TTC23: variants seen among roughly 807,000 people sequenced by gnomAD.
TTC23 encodes tetratricopeptide repeat domain 23, also known as tetratricopeptide repeat protein 23.
A neutral mutation model predicts 55.1 loss-of-function variants in TTC23; 58 were observed. That is an observed-to-expected ratio of 1.05 (90% CI 0.85 to 1.31). The LOEUF (loss-of-function observed/expected upper bound fraction) is 1.31, where lower values mean the gene tolerates loss of function less well. TTC23 is among the 50% of genes most tolerant of loss of function. The pLI, the probability that TTC23 is intolerant of heterozygous loss-of-function variation, is 0.00. For missense variants in TTC23, 516 were observed against 534.4 expected (o/e 0.97, Z 0.34); for synonymous variants, 203 against 199.9 (o/e 1.02, Z -0.13).
chr15:99,248,728 A>G (rs2080475564), intron 1 of TTC23, among the ~76,000 whole-genome samples: 1 of 152,206 alleles, frequency 6.6e-6, no homozygotes, highest in Non-Finnish European at 1.5e-5. Flanking sequence ...ATATTCCCCT[A>G]TATGGATTAA....
chr15:99,174,383 TA>T (rs577156373), intron 10 of TTC23, among the ~76,000 whole-genome samples: 15 of 152,066 alleles, frequency 9.9e-5, no homozygotes, highest in Middle Eastern at 3.4e-3. Flanking sequence ...ATTCAGTATG[TA>T]ATTATTTTTA....
At chr15:99,163,851 T>A (rs1194867812) in intron 10 of TTC23, among the ~76,000 whole-genome samples, 3 of 152,338 alleles carry the variant, frequency 2.0e-5, no homozygotes, top group Admixed American at 1.3e-4. Context: ...AGAGCCTTGA[T>A]CTGGGACTTT....
chr15:99,208,267 CAT>C (rs1009168110), intron 8 of TTC23, among the ~76,000 whole-genome samples: 58 of 151,870 alleles, frequency 3.8e-4, no homozygotes, highest in African/African-American at 1.3e-3. Flanking sequence ...TATATACACA[CAT>C]ATATATATGC....
chr15:99,200,698 C>T (rs947343353), intron 8 of TTC23, among the ~76,000 whole-genome samples: 2 of 152,116 alleles, frequency 1.3e-5, no homozygotes, highest in East Asian at 3.8e-4. Flanking sequence ...TACACACATA[C>T]AATTTTGCGA....
rs576162130 is a variant in TTC23, at chr15:99,235,264, C to T, written c.-113-184G>A. Among the ~76,000 whole-genome samples the T allele has an allele frequency of 2.0e-5, 3 of 151,582 alleles. No homozygotes were observed. In the South Asian group the frequency reaches 6.3e-4, roughly 32 times the overall value. ...CACCATCTCAAAAAACAAAACAAAA[C>T]AAAATTGTAGTAAAAAATATATATA... On this transcript the variant is annotated intron_variant, in intron 3 of 13. Coordinates refer to ENST00000394132, the MANE Select transcript of TTC23 (RefSeq NM_001288615.3).
intron 9 of TTC23, among the ~76,000 whole-genome samples, chr15:99,181,377 A>G (rs1384626509): frequency 6.6e-6 from 1 of 152,320 alleles, no homozygotes; most frequent in East Asian, 1.9e-4. Context: ...GCTTCTAAAC[A>G]CTTTAGAGGG....
chr15:99,243,673 A>G (rs2079995495), intron 2 of TTC23, among the ~76,000 whole-genome samples: 2 of 152,238 alleles, frequency 1.3e-5, no homozygotes, highest in South Asian at 2.1e-4. Context: ...TTACAGCAAC[A>G]TGGATGAAAC....
intron 3 of TTC23, among the ~76,000 whole-genome samples, chr15:99,238,554 G>C (rs902665957): frequency 2.0e-5 from 3 of 152,142 alleles, no homozygotes; most frequent in African/African-American, 4.8e-5. Context: ...CCCAAGCAGA[G>C]TGAATAATTA....
At chr15:99,184,383 T>C (rs999901874) in intron 9 of TTC23, among the ~76,000 whole-genome samples, 12 of 151,986 alleles carry the variant, frequency 7.9e-5, no homozygotes, top group East Asian at 1.9e-4. Flanking sequence ...AAGAGGGGGG[T>C]TGTACCCTGC....
chr15:99,219,139 T>G, intron 6 of TTC23, 91 bp from the exon 7 acceptor site: 2 of 1,418,610 alleles, frequency 1.4e-6, no homozygotes, highest in Non-Finnish European at 1.9e-6. Context: ...TAACAAGGTC[T>G]CCTTCACATA....
At position 99,219,066 on chromosome 15, in the gene TTC23, G is replaced by C. The variant is rs2077700677; in HGVS notation, c.305-18C>G. On this transcript the variant is annotated intron_variant, in intron 6 of 13. Coordinates refer to ENST00000394132, the MANE Select transcript of TTC23 (RefSeq NM_001288615.3). ...TGACAGTCCTGTGGACAAAGAAAAAGAGGTCTCAGTTTCTCTATCATCTCA... is the reference window on the plus strand; with the variant it reads ...TGACAGTCCTGTGGACAAAGAAAAACAGGTCTCAGTTTCTCTATCATCTCA... 6.8e-6 allele frequency: 11 copies of C among 1,612,570 alleles called. No individual in the cohort carries two copies. The highest frequency in any genetic ancestry group is 9.3e-6 in the Non-Finnish European group (11 of 1,179,252).
chr15:99,167,137 G>A (rs995523723), intron 10 of TTC23, among the ~76,000 whole-genome samples: 1 of 151,994 alleles, frequency 6.6e-6, no homozygotes, highest in African/African-American at 2.4e-5. Flanking sequence ...TCCTGGCAAT[G>A]GACATCCCAG....
rs182911981 is a variant in TTC23, at chr15:99,154,145, A to G, written c.1143+2003T>C. Among the ~76,000 whole-genome samples the G allele has an allele frequency of 2.0e-5, 3 of 152,336 alleles. No individual in the cohort carries two copies. In the East Asian group the frequency reaches 5.8e-4, roughly 29 times the overall value. The stretch of plus-strand genomic sequence containing the variant: ...CTAAAGGATGTCACAGAAGACATAA[A>G]CCTCCAAAGAATGCGGAGTTTCAAT... On this transcript the variant is annotated intron_variant, in intron 12 of 13. Coordinates refer to ENST00000394132, the MANE Select transcript of TTC23 (RefSeq NM_001288615.3).
At chr15:99,224,656 A>G (rs181098750) in intron 5 of TTC23, among the ~76,000 whole-genome samples, 1 of 152,370 alleles carries the variant, frequency 6.6e-6, no homozygotes, top group Admixed American at 6.5e-5. Context: ...ATTGCTGTAT[A>G]AAGGATATGC....
At chr15:99,174,917 G>T (rs1052422314) in intron 10 of TTC23, 133 bp downstream of exon 10, 1 of 665,256 alleles carries the variant, frequency 1.5e-6, no homozygotes, top group African/African-American at 1.8e-5. Flanking sequence ...AGGGGCAGAT[G>T]ATCAGATAAA....
intron 12 of TTC23, among the ~76,000 whole-genome samples, chr15:99,147,225 C>A (rs573494783): frequency 4.6e-4 from 52 of 112,598 alleles, no homozygotes; most frequent in Admixed American, 4.3e-3. Context: ...AAATTCATTC[C>A]TTTTTTTTTT....
chr15:99,248,169 A>G (rs2152109636), intron 1 of TTC23: 1 of 152,326 alleles, frequency 6.6e-6, no homozygotes. Context: ...GTATTCGGGT[A>G]AGAAGCATGG....
rs28617660 is a variant in TTC23 at position 99,138,052 on chromosome 15, G to A, written c.1302C>T (p.Asp434=). The A allele has an allele frequency of 0.09, 144,772 of 1,613,880 alleles. 8,911 individuals carry two copies. Among genetic ancestry groups the A allele is most frequent in the African/African-American group, 0.32 (23,632 of 74,938 alleles). The change falls in exon 14 of 14, where the codon GAC becomes GAT. Residue 434 remains aspartate, a synonymous_variant. Coordinates refer to ENST00000394132, the MANE Select transcript of TTC23 (RefSeq NM_001288615.3). ...KVAFCTSIPQ[D]TLLGKARPGT... ...CGGGCCGGGCCTTCCCCAGCAGGGTGTCCTGAGGGATGCTGGTGCAGAAGG... is the reference window on the plus strand; with the variant it reads ...CGGGCCGGGCCTTCCCCAGCAGGGTATCCTGAGGGATGCTGGTGCAGAAGG...
intron 12 of TTC23, among the ~76,000 whole-genome samples, chr15:99,143,297 T>A (rs2068457964): frequency 6.6e-6 from 1 of 152,284 alleles, no homozygotes. Flanking sequence ...TCTGCTCTTC[T>A]TAGCTAAATT....
Sources: gnomAD v4.1 joint callset for allele counts (sites outside exome capture counted in the v4.1 genomes callset) on GRCh38, gnomAD v4.1.1 for gene constraint, MANE v1.5 for transcripts, NCBI Gene and HGNC (gene_info 2026-07-23, HGNC 2026-07-21) for gene names.